Variants in POU2F2 observed in about 807,000 individuals in gnomAD.
POU2F2 encodes the protein POU domain, class 2, transcription factor 2.
Under a neutral mutation model 63.5 loss-of-function variants are expected in POU2F2, and 14 were observed. That is an observed-to-expected ratio of 0.22 (90% CI 0.15 to 0.34). POU2F2 has a LOEUF of 0.34. POU2F2 is among the 10% of genes least tolerant of loss of function. POU2F2 has a pLI of 1.00. For synonymous variants in POU2F2, 306 were observed against 348.6 expected (o/e 0.88, Z 1.36); for missense variants, 607 against 815.2 (o/e 0.74, Z 3.11).
intron 2 of POU2F2, among the ~76,000 whole-genome samples, chr19:42,137,966 G>C (rs2034051413): frequency 6.6e-6 from 1 of 152,170 alleles, no homozygotes; most frequent in Non-Finnish European, 1.5e-5. Flanking sequence ...AGAGAAGATA[G>C]GAGACGAGGT....
intron 1 of POU2F2, among the ~76,000 whole-genome samples, chr19:42,174,596 T>C (rs1346187248): frequency 1.3e-5 from 2 of 150,600 alleles, no homozygotes; most frequent in Non-Finnish European, 3.0e-5. Flanking sequence ...CATGTCACGA[T>C]TCTACACCTT....
intron 2 of POU2F2, among the ~76,000 whole-genome samples, chr19:42,150,760 TA>T (rs1342136013): frequency 6.6e-6 from 1 of 152,202 alleles, no homozygotes; most frequent in Middle Eastern, 3.4e-3. Context: ...TTTATTCTTT[TA>T]ATTTTTTTTA....
At chr19:42,106,976 T>C (rs551597164) in intron 5 of POU2F2, among the ~76,000 whole-genome samples, 10 of 151,814 alleles carry the variant, frequency 6.6e-5, no homozygotes, top group African/African-American at 2.2e-4. Flanking sequence ...CAGTAAGCTA[T>C]GATCACACCA....
At chr19:42,116,533 C>T (rs148220182) in intron 5 of POU2F2, among the ~76,000 whole-genome samples, 2 of 152,224 alleles carry the variant, frequency 1.3e-5, no homozygotes, top group African/African-American at 4.8e-5. Flanking sequence ...TCACTTTACC[C>T]CTCTGTAAGA....
In POU2F2 at chr19:42,095,977, C is replaced by CGG; in HGVS notation, c.730-50_730-49dup. On this transcript the variant is annotated intron_variant, in intron 8 of 14. Coordinates refer to ENST00000692977, the MANE Select transcript of POU2F2 (RefSeq NM_001394376.1). The surrounding 1 kb of genome is among the most constrained non-coding windows in gnomAD (Gnocchi z 7.1). ...GGCCCGAAGTCAGGGTGGGGCCTTCCGGCACTGGGCCCGCTCCGCCCGCCC... is the reference window on the plus strand; with the variant it reads ...GGCCCGAAGTCAGGGTGGGGCCTTCCGGGGCACTGGGCCCGCTCCGCCCGCCC... 6.2e-7 allele frequency: 1 copy of CGG among 1,602,548 alleles called. No homozygotes were observed. The highest frequency in any genetic ancestry group is 1.1e-5 in the South Asian group (1 of 89,692).
Position 42,145,258 on chromosome 19 carries a change from A to G in POU2F2, c.-9+15074T>C, listed in dbSNP as rs927443271. Among the ~76,000 whole-genome samples the G allele has an allele frequency of 1.4e-4, 21 of 152,300 alleles. 1 individual carries two copies. Among genetic ancestry groups the G allele is most frequent in the Admixed American group, 1.4e-3 (21 of 15,294 alleles). Reference sequence around the variant, plus strand: ...TCCATTTCAGTATTCCTTCGTTCTTAGTACACTAGGAGGCTCAAGAATTAG... The same window carrying G: ...TCCATTTCAGTATTCCTTCGTTCTTGGTACACTAGGAGGCTCAAGAATTAG... On this transcript the variant is annotated intron_variant, in intron 2 of 6. Transcript: ENST00000524801.
chr19:42,177,103 A>C (rs1332270650), upstream of POU2F2: 3 of 140,452 alleles, frequency 2.1e-5, no homozygotes, highest in Non-Finnish European at 4.6e-5. Flanking sequence ...GGAGAGGAGG[A>C]GGCTGCCCGC....
chr19:42,105,992 C>CTGTCTTT (rs2029863659), intron 5 of POU2F2, among the ~76,000 whole-genome samples: 1 of 141,640 alleles, frequency 7.1e-6, no homozygotes. Context: ...TATATAGGAT[C>CTGTCTTT]TTTCTTTTTT....
chr19:42,095,439 C>T lies in POU2F2; in HGVS notation c.1044G>A (p.Glu348=). The T allele has an allele frequency of 6.2e-7, 1 of 1,613,394 alleles. No homozygotes were observed. The highest frequency in any genetic ancestry group is 8.5e-7 in the Non-Finnish European group (1 of 1,180,002). Residue 348 remains glutamate, a synonymous_variant, in exon 11 of 15, where the codon GAG becomes GAA. Coordinates refer to ENST00000692977, the MANE Select transcript of POU2F2 (RefSeq NM_001394376.1). This position sits in a 1 kb window ranked among gnomAD's most constrained non-coding sequence, Gnocchi z 7.1. ...FLANQKPTSE[E]ILLIAEQLHM... ...GCAGCTGCTCGGCGATCAGCAGGAT[C>T]TCCTCTGAGGTAGGCTTCTGGTTCT...
intron 1 of POU2F2, among the ~76,000 whole-genome samples, chr19:42,187,149 C>CA (rs2035021240): frequency 6.6e-6 from 1 of 152,050 alleles, no homozygotes; most frequent in Non-Finnish European, 1.5e-5. Flanking sequence ...GAAAAGAGCC[C>CA]AGGAGAAGTG....
At chr19:42,181,604 A>G (rs1014249759) in intron 1 of POU2F2, among the ~76,000 whole-genome samples, 3 of 151,932 alleles carry the variant, frequency 2.0e-5, no homozygotes, top group Admixed American at 2.0e-4. Context: ...TTATTTATTT[A>G]GAGACAGAGC....
rs1484392683 is a variant in POU2F2 at position 42,092,279 on chromosome 19, G to C, written c.1265-9C>G. Reference sequence around the variant, plus strand: ...TGAGGATAAGGTAGTAACTGCCAGAGAGAGACAGAAAGATGGGGTCTTCAG... The same window carrying C: ...TGAGGATAAGGTAGTAACTGCCAGACAGAGACAGAAAGATGGGGTCTTCAG... On this transcript the variant is annotated splice_polypyrimidine_tract_variant and intron_variant, in intron 12 of 14. Transcript: ENST00000692977. This position sits in a 1 kb window ranked among gnomAD's most constrained non-coding sequence, Gnocchi z 5.0. 6.5e-7 allele frequency: 1 copy of C among 1,542,612 alleles called. No homozygotes were observed. Among genetic ancestry groups the C allele is most frequent in the Admixed American group, 2.0e-5 (1 of 50,972 alleles).
At chr19:42,150,649 C>G (rs981343993) in intron 2 of POU2F2, among the ~76,000 whole-genome samples, 5 of 151,898 alleles carry the variant, frequency 3.3e-5, no homozygotes, top group African/African-American at 7.2e-5. Context: ...CCTGCACCCC[C>G]CTCCCTGCCT....
At chr19:42,177,894 G>A (rs146410058), upstream of POU2F2, among the ~76,000 whole-genome samples, 2 of 151,986 alleles carry the variant, frequency 1.3e-5, no homozygotes, top group East Asian at 3.9e-4. Context: ...GACTCCTAGA[G>A]GCAGAGAGAT....
At position 42,116,767 on chromosome 19, in the gene POU2F2, C is replaced by T. The variant is rs79749160; in HGVS notation, c.369+483G>A. The T allele has an allele frequency of 2.1e-3, 743 of 355,788 alleles. 8 individuals carry two copies. Among genetic ancestry groups the T allele is most frequent in the African/African-American group, 0.015 (702 of 45,606 alleles). 22.0% of individuals were successfully genotyped at this position (355,788 alleles called of 1,614,324 possible). ...GAGCTGTGGGGTCCCAGGGGGCTGG[C>T]TGGCAGGCTGTGGTGGTGGCAGGTC... On this transcript the variant is annotated intron_variant, in intron 5 of 14. Coordinates refer to ENST00000692977, the MANE Select transcript of POU2F2 (RefSeq NM_001394376.1).
chr19:42,091,878 G>T lies in POU2F2; in HGVS notation c.1529C>A (p.Ala510Asp), dbSNP rs1421001270. Residue 510 changes from alanine to aspartate, a missense_variant, in exon 14 of 15, where the codon GCC becomes GAC. Transcript: ENST00000692977. ...GAGGCAGCACGCACCTTGGATAGTG[G>T]CCAAAGGGTTGTTGCTCATGAGGGC... ...SPALMSNNPL[A>D]TIQALASGGT... The T allele has an allele frequency of 1.3e-6, 2 of 1,538,986 alleles. No homozygotes were observed. Among genetic ancestry groups the T allele is most frequent in the East Asian group, 4.9e-5 (2 of 40,914 alleles).
chr19:42,157,953 G>A (rs1383855310), intron 2 of POU2F2, among the ~76,000 whole-genome samples: 1 of 152,136 alleles, frequency 6.6e-6, no homozygotes, highest in Non-Finnish European at 1.5e-5. Flanking sequence ...TCATCCTGGG[G>A]CTCCAGCTCC....
chr19:42,092,275 CAG>C lies in POU2F2; in HGVS notation c.1265-7_1265-6del, dbSNP rs2076751696. 1.9e-6 allele frequency: 3 copies of C among 1,542,146 alleles called. No individual in the cohort carries two copies. Among genetic ancestry groups the C allele is most frequent in the Non-Finnish European group, 2.6e-6 (3 of 1,138,670 alleles). ...CAGCTGAGGATAAGGTAGTAACTGC[CAG>C]AGAGAGACAGAAAGATGGGGTCTTC... is the stretch of plus-strand genomic sequence containing the variant. On this transcript the variant is annotated splice_polypyrimidine_tract_variant and splice_region_variant and intron_variant, in intron 12 of 14. Coordinates refer to ENST00000692977, the MANE Select transcript of POU2F2 (RefSeq NM_001394376.1). This position sits in a 1 kb window ranked among gnomAD's most constrained non-coding sequence, Gnocchi z 5.0.
chr19:42,147,941 A>G (rs1456262565), intron 2 of POU2F2, among the ~76,000 whole-genome samples: 3 of 152,122 alleles, frequency 2.0e-5, no homozygotes, highest in Non-Finnish European at 4.4e-5. Flanking sequence ...AGGAGGAAAT[A>G]AGGCTCAGAC....
Sources: gnomAD v4.1 joint callset for allele counts (sites outside exome capture counted in the v4.1 genomes callset) on GRCh38, gnomAD v4.1.1 for gene constraint, Gnocchi (gnomAD v3.1) non-coding constraint, MANE v1.5 for transcripts, NCBI Gene and HGNC (gene_info 2026-07-23, HGNC 2026-07-21) for gene names.